The following LRRTM4 variants were observed in gnomAD, a reference collection of about 807,000 sequenced individuals.
The protein encoded by LRRTM4 is leucine-rich repeat transmembrane neuronal protein 4.
LRRTM4 carries 25 observed loss-of-function variants against 47.6 expected under a neutral mutation model. The observed-to-expected ratio is 0.53, with a 90% CI of 0.38 to 0.73. The LOEUF (loss-of-function observed/expected upper bound fraction) is 0.73. LRRTM4 is among the 30% of genes least tolerant of loss of function. The probability of loss-of-function intolerance (pLI) is 0.00; values close to 1 mark genes in which losing one functional copy is unlikely to be tolerated. For synonymous variants in LRRTM4, 311 were observed against 269.5 expected (o/e 1.15, Z -1.51); for missense variants, 638 against 713.4 (o/e 0.89, Z 1.20).
chr2:77,286,486 G>T (rs12468049), intron 3 of LRRTM4, among the ~76,000 whole-genome samples: 5,227 of 151,310 alleles, frequency 0.035, 184 homozygotes, highest in South Asian at 0.1. Context: ...TATACTAAAT[G>T]TTAACTAACA....
intron 3 of LRRTM4, chr2:76,773,185 C>T (rs919730849): frequency 6.6e-6 from 1 of 152,208 alleles, no homozygotes; most frequent in Non-Finnish European, 1.5e-5. Flanking sequence ...CTCTATCTTC[C>T]AGTCTCTGGG....
intron 3 of LRRTM4, among the ~76,000 whole-genome samples, chr2:77,092,538 A>G (rs1207045484): frequency 1.0e-4 from 14 of 137,780 alleles, no homozygotes. Flanking sequence ...GGGATTATTC[A>G]GGCCCCCTCC....
intron 3 of LRRTM4, among the ~76,000 whole-genome samples, chr2:77,283,963 T>A (rs1676582253): frequency 6.6e-6 from 1 of 151,970 alleles, no homozygotes; most frequent in South Asian, 2.1e-4. Context: ...ATGAAGCCCC[T>A]GAATATAAAA....
chr2:77,482,922 ACCAT>A (rs1474661742), intron 3 of LRRTM4, among the ~76,000 whole-genome samples: 1 of 151,884 alleles, frequency 6.6e-6, no homozygotes, highest in Non-Finnish European at 1.5e-5. Context: ...GAAGTTTAAG[ACCAT>A]CCTGGCCAAC....
chr2:77,005,097 G>A (rs570680201), intron 3 of LRRTM4, among the ~76,000 whole-genome samples: 1 of 152,060 alleles, frequency 6.6e-6, no homozygotes, highest in East Asian at 1.9e-4. Flanking sequence ...GGTTAATGCT[G>A]GAGTTAGTTA....
chr2:77,299,281 A>AAACC (rs70939853), intron 3 of LRRTM4, among the ~76,000 whole-genome samples: 28 of 149,668 alleles, frequency 1.9e-4, no homozygotes, highest in Non-Finnish European at 3.6e-4. Context: ...ACACACACAC[A>AAACC]CACACACGTA....
intron 3 of LRRTM4, among the ~76,000 whole-genome samples, chr2:77,207,681 T>C (rs1674176527): frequency 6.6e-6 from 1 of 151,880 alleles, no homozygotes; most frequent in Non-Finnish European, 1.5e-5. Flanking sequence ...GGATGGTATG[T>C]AGATTTTAGC....
chr2:76,756,335 G>A (rs910321301), intron 3 of LRRTM4, among the ~76,000 whole-genome samples: 4 of 152,068 alleles, frequency 2.6e-5, no homozygotes, highest in Admixed American at 2.6e-4. Context: ...ACCAATGAAT[G>A]ACCTCCATGT....
rs1677745107 is a variant in LRRTM4 at position 77,482,459 on chromosome 2, C to CACAG, written c.1551+35858_1551+35859insCTGT. ...TTTTTTAAACACACACACACACACA[C>CACAG]AGAGACCTGTGATTAATTTCTATGC... On this transcript the variant is annotated intron_variant, in intron 3 of 3. Coordinates refer to ENST00000409884, the MANE Select transcript of LRRTM4 (RefSeq NM_001134745.3). Among the ~76,000 whole-genome samples, 5 of 118,082 alleles carry CACAG rather than the reference C, an allele frequency of 4.2e-5. No individual in the cohort carries two copies. The South Asian group carries it at 8.8e-4, about 21-fold the overall frequency. The allele number at this position is 118,082 out of a possible 152,430, so 77.5% of individuals were successfully genotyped here.
chr2:77,518,611 C>G lies in LRRTM4; in HGVS notation c.1258G>C (p.Val420Leu), dbSNP rs368949941. The stretch of plus-strand genomic sequence containing the variant: ...CCGGCAATAATTTTGTGAAATGAAA[C>G]ATGCTCATACTCTTGCTCTGCGCCA... ...IPGAEQEYEH[V>L]SFHKIIAGSV... The change falls in exon 3 of 4, where the codon GTT becomes CTT. Residue 420 changes from valine to leucine, a missense_variant. By Grantham distance (32) the Val-to-Leu change is conservative (BLOSUM62 1). Coordinates refer to ENST00000409884, the MANE Select transcript of LRRTM4 (RefSeq NM_001134745.3). 1.1e-4 allele frequency: 173 copies of G among 1,613,280 alleles called. No individual in the cohort carries two copies. The highest frequency in any genetic ancestry group is 1.4e-4 in the Non-Finnish European group (166 of 1,179,662).
intron 3 of LRRTM4, among the ~76,000 whole-genome samples, chr2:77,205,421 A>G (rs13026568): frequency 0.42 from 63,556 of 152,074 alleles, 16,159 homozygotes; most frequent in Non-Finnish European, 0.55. Context: ...GCCTGAGGAC[A>G]TGGCATCTTT....
At chr2:76,869,050 C>T (rs1194152094) in intron 3 of LRRTM4, among the ~76,000 whole-genome samples, 1 of 152,098 alleles carries the variant, frequency 6.6e-6, no homozygotes, top group Non-Finnish European at 1.5e-5. Context: ...GTGGCTCACG[C>T]ATGTAATCCC....
intron 3 of LRRTM4, among the ~76,000 whole-genome samples, chr2:77,062,700 A>G (rs1679825646): frequency 6.6e-6 from 1 of 152,086 alleles, no homozygotes; most frequent in Non-Finnish European, 1.5e-5. Flanking sequence ...TCTTCCCAAC[A>G]TAACATATTC....
chr2:76,927,167 T>C (rs924841356), intron 3 of LRRTM4, among the ~76,000 whole-genome samples: 12 of 152,090 alleles, frequency 7.9e-5, no homozygotes, highest in African/African-American at 2.2e-4. Flanking sequence ...ATCTAACCTA[T>C]TCCCTAGGAA....
intron 3 of LRRTM4, among the ~76,000 whole-genome samples, chr2:76,966,305 A>G (rs534605020): frequency 3.3e-5 from 5 of 151,468 alleles, no homozygotes; most frequent in Admixed American, 2.0e-4. Flanking sequence ...GAATGGGGAA[A>G]AGGAGGAGCA....
chr2:76,881,609 T>C (rs528503914), intron 3 of LRRTM4, among the ~76,000 whole-genome samples: 39 of 152,184 alleles, frequency 2.6e-4, no homozygotes, highest in Non-Finnish European at 3.2e-4. Flanking sequence ...CTCCTTGTGA[T>C]ACTTTTTAGG....
intron 3 of LRRTM4, among the ~76,000 whole-genome samples, chr2:77,384,789 A>G (rs1673199837): frequency 6.6e-6 from 1 of 152,264 alleles, no homozygotes; most frequent in Middle Eastern, 3.4e-3. Context: ...TGGAACAACA[A>G]ATCTGTAAAG....
At chr2:77,396,528 A>C (rs112553018) in intron 3 of LRRTM4, among the ~76,000 whole-genome samples, 247 of 151,964 alleles carry the variant, frequency 1.6e-3, no homozygotes, top group African/African-American at 5.7e-3. Flanking sequence ...GGCTTATTTG[A>C]CTCTTGAGTC....
At chr2:76,785,179 T>C (rs2104177477) in intron 3 of LRRTM4, among the ~76,000 whole-genome samples, 1 of 152,276 alleles carries the variant, frequency 6.6e-6, no homozygotes, top group African/African-American at 2.4e-5. Flanking sequence ...TGTATTGGCA[T>C]TTGCAATTGA....
Sources: gnomAD v4.1 joint callset for allele counts (sites outside exome capture counted in the v4.1 genomes callset) on GRCh38, gnomAD v4.1.1 for gene constraint, MANE v1.5 for transcripts, NCBI Gene and HGNC (gene_info 2026-07-23, HGNC 2026-07-21) for gene names.